The following CST5 variants were observed in gnomAD, a reference collection of about 807,000 sequenced individuals.
CST5 encodes cystatin D.
In CST5, 13 loss-of-function variants were observed where a neutral mutation model predicts 11.5. The ratio of observed to expected loss-of-function variants is 1.13; its 90% CI spans 0.73 to 1.79. The LOEUF (loss-of-function observed/expected upper bound fraction) is 1.79. CST5 is among the 40% of genes most tolerant of loss of function. The pLI is 0.00. For synonymous variants in CST5, 81 were observed against 67.6 expected (o/e 1.20, Z -0.97); for missense variants, 219 against 174.5 (o/e 1.25, Z -1.44).
chr20:23,879,720 C>A lies in CST5; in HGVS notation c.-44G>T. ...GCAAGGAGCTGGATCTCCCAGAGAG[C>A]AAAGCAGCAGAAGGCTGAGGCAGGA... On this transcript the variant is annotated 5_prime_UTR_variant, in exon 1 of 3. Coordinates refer to ENST00000304710, the MANE Select transcript of CST5 (RefSeq NM_001900.5). 6.3e-7 allele frequency: 1 copy of A among 1,579,370 alleles called. No individual in the cohort carries two copies. Among genetic ancestry groups the A allele is most frequent in the Non-Finnish European group, 8.7e-7 (1 of 1,155,402 alleles).
At position 23,879,562 on chromosome 20, in the gene CST5, G is replaced by T. The variant is rs370924959; in HGVS notation, c.115C>A (p.Leu39Ile). 1.2e-6 allele frequency: 2 copies of T among 1,613,972 alleles called. No individual in the cohort carries two copies. The highest frequency in any genetic ancestry group is 1.3e-5 in the African/African-American group (1 of 74,898). Reference protein sequence around the residue: ...TLAGGIHATDLNDKSVQCALD... With the variant: ...TLAGGIHATDINDKSVQCALD... ...GCACACTGCACACTCTTGTCATTGAGGTCTGTGGCATGGATGCCACCTGCC... is the reference window on the plus strand; with the variant it reads ...GCACACTGCACACTCTTGTCATTGATGTCTGTGGCATGGATGCCACCTGCC... The change falls in exon 1 of 3, where the codon CTC becomes ATC. Residue 39 changes from leucine (L) to isoleucine (I), a missense_variant. Transcript: ENST00000304710.
chr20:23,878,755 C>T (rs541863522), intron 1 of CST5, among the ~76,000 whole-genome samples: 2 of 152,320 alleles, frequency 1.3e-5, no homozygotes, highest in South Asian at 2.1e-4. Flanking sequence ...GCCCTGTGGT[C>T]GCTGTGTCAC....
chr20:23,879,208 T>A (rs1047252818), intron 1 of CST5, among the ~76,000 whole-genome samples: 1 of 152,046 alleles, frequency 6.6e-6, no homozygotes, highest in African/African-American at 2.4e-5. Flanking sequence ...AATGCCACAG[T>A]CATGGTACAG....
intron 1 of CST5, among the ~76,000 whole-genome samples, chr20:23,878,985 G>C (rs1407446767): frequency 6.6e-6 from 1 of 152,234 alleles, no homozygotes; most frequent in Non-Finnish European, 1.5e-5. Flanking sequence ...GCCAGCCTGA[G>C]AGTGAAGGCC....
chr20:23,879,511 T>G lies in CST5; in HGVS notation c.166A>C (p.Asn56His), dbSNP rs1986037640. The change falls in exon 1 of 3, where the codon AAC becomes CAC. Residue 56 changes from asparagine (N) to histidine (H), a missense_variant. Coordinates refer to ENST00000304710, the MANE Select transcript of CST5 (RefSeq NM_001900.5). ...CALDFAISEY[N>H]KVINKDEYYS... ...TACTCATCCTTATTAATGACCTTGT[T>G]GTACTCGCTGATGGCAAAGTCCAGG... The G allele has an allele frequency of 2.5e-6, 4 of 1,614,058 alleles. No homozygotes were observed. The East Asian group carries it at 8.9e-5, about 36-fold the overall frequency.
In CST5 at chr20:23,877,558, A is replaced by G. The variant is rs1340870685; in HGVS notation, c.292T>C (p.Ser98Pro). 2 of 1,613,976 alleles carry G rather than the reference A, an allele frequency of 1.2e-6. No individual in the cohort carries two copies. Among genetic ancestry groups the G allele is most frequent in the African/African-American group, 2.7e-5 (2 of 74,898 alleles). Residue 98 changes from serine (S) to proline (P), a missense_variant, in exon 2 of 3, where the codon TCC (serine) becomes CCC (proline). Ser to Pro is a moderately conservative substitution (Grantham distance 74). Coordinates refer to ENST00000304710, the MANE Select transcript of CST5 (RefSeq NM_001900.5). ...GGACAGTTGTCCAAGTTGGGCTGGG[A>G]CTTGGTGCATGTGGTTCGACCGAAC... ...VKFGRTTCTKSQPNLDNCPFN... is the reference protein window; with the variant it reads ...VKFGRTTCTKPQPNLDNCPFN...
intron 1 of CST5, among the ~76,000 whole-genome samples, chr20:23,879,202 C>T (rs1376709296): frequency 1.3e-5 from 2 of 152,134 alleles, no homozygotes; most frequent in Non-Finnish European, 2.9e-5. Context: ...CTGGGAAATG[C>T]CACAGTCATG....
Position 23,876,026 on chromosome 20 carries a change from T to G in CST5, c.*162A>C, listed in dbSNP as rs4813509. On this transcript the variant is annotated 3_prime_UTR_variant, in exon 3 of 3. Transcript: ENST00000304710. ...AGAAGGAAGGAGCAAGGGCAGAGCC[T>G]CCTGCTGAGCAACAAAGGCCTCCTG... 1.7e-6 allele frequency: 1 copy of G among 575,280 alleles called. No homozygotes were observed. Among genetic ancestry groups the G allele is most frequent in the African/African-American group, 1.9e-5 (1 of 53,736 alleles). 35.6% of individuals were successfully genotyped at this position (575,280 alleles called of 1,614,324 possible).
chr20:23,877,011 G>T (rs1985977130), intron 2 of CST5, among the ~76,000 whole-genome samples: 1 of 151,982 alleles, frequency 6.6e-6, no homozygotes, highest in African/African-American at 2.4e-5. Flanking sequence ...AGTCTTCCTA[G>T]CAAAACAAAT....
rs1418069849 is a variant in CST5 at position 23,877,628 on chromosome 20, T to A, written c.232-10A>T. 5 of 1,607,420 alleles carry A rather than the reference T, an allele frequency of 3.1e-6. No individual in the cohort carries two copies. On this transcript the variant is annotated splice_polypyrimidine_tract_variant and intron_variant, in intron 1 of 2. Transcript: ENST00000304710. ...TCACCCCACCCACGATCTACACGCG[T>A]GGAAGAGCAGGAAGCAGGGGCAGCA...
At chr20:23,876,407 C>T (rs1052450822) in intron 2 of CST5, 136 bp from the exon 3 acceptor site, 26 of 653,238 alleles carry the variant, frequency 4.0e-5, no homozygotes, top group South Asian at 1.6e-4. Flanking sequence ...CTACCCCTGC[C>T]GAGTTCCAGG....
At chr20:23,879,324 C>T in intron 1 of CST5, 122 bp downstream of exon 1, 1 of 776,194 alleles carries the variant, frequency 1.3e-6, no homozygotes, top group South Asian at 1.5e-5. Flanking sequence ...CATCAGCAGA[C>T]AGTCAGAGAA....
chr20:23,877,204 G>T (rs1985982460), intron 2 of CST5, among the ~76,000 whole-genome samples: 1 of 151,388 alleles, frequency 6.6e-6, no homozygotes, highest in Non-Finnish European at 1.5e-5. Flanking sequence ...CTTTCTACAT[G>T]CATAGCCACA....
chr20:23,877,450 CAT>C (rs1468380819), intron 2 of CST5, 53 bp downstream of exon 2: 4 of 1,330,664 alleles, frequency 3.0e-6, no homozygotes, highest in African/African-American at 2.9e-5. Flanking sequence ...CACACACACA[CAT>C]GCACACACTG....
chr20:23,877,500 C>A lies in CST5; in HGVS notation c.345+5G>T, dbSNP rs756273256. 1.1e-5 allele frequency: 18 copies of A among 1,612,804 alleles called. No homozygotes were observed. In the South Asian group the frequency reaches 2.0e-4, roughly 18 times the overall value. The stretch of plus-strand genomic sequence containing the variant: ...TGATGCCCCTGACCCACATCAGGCA[C>A]ATACCTCTTTCAGTTTTGGCTGGTC... On this transcript the variant is annotated splice_donor_5th_base_variant and intron_variant, in intron 2 of 2. Transcript: ENST00000304710.
chr20:23,878,260 A>T (rs35557175), intron 1 of CST5, among the ~76,000 whole-genome samples: 1 of 152,072 alleles, frequency 6.6e-6, no homozygotes, highest in African/African-American at 2.4e-5. Context: ...TGCCTCCTGC[A>T]TGCCTCCATT....
At chr20:23,879,325 A>C (rs1490650610) in intron 1 of CST5, 121 bp downstream of exon 1, 1 of 776,482 alleles carries the variant, frequency 1.3e-6, no homozygotes, top group East Asian at 2.4e-5. Flanking sequence ...ATCAGCAGAC[A>C]GTCAGAGAAA....
chr20:23,876,187 C>T lies in CST5; in HGVS notation c.*1G>A. The T allele has an allele frequency of 7.4e-6, 12 of 1,612,628 alleles. No individual in the cohort carries two copies. Among genetic ancestry groups the T allele is most frequent in the Non-Finnish European group, 1.0e-5 (12 of 1,178,694 alleles). ...CAGTGTGACAGGCCTTGCACAGACC[C>T]CTAGACTTTCCGGCACTTGTAGTTC... On this transcript the variant is annotated 3_prime_UTR_variant, in exon 3 of 3. Transcript: ENST00000304710.
chr20:23,876,326 A>G, intron 2 of CST5, 55 bp from the exon 3 acceptor site: 1 of 1,380,226 alleles, frequency 7.2e-7, no homozygotes, highest in South Asian at 1.2e-5. Flanking sequence ...AAAGCCAAAG[A>G]TGCCCAGGAA....
Sources: gnomAD v4.1 joint callset for allele counts (sites outside exome capture counted in the v4.1 genomes callset) on GRCh38, gnomAD v4.1.1 for gene constraint, MANE v1.5 for transcripts, NCBI Gene and HGNC (gene_info 2026-07-23, HGNC 2026-07-21) for gene names.